The following CFAP100 variants were observed in gnomAD, a reference collection of about 807,000 sequenced individuals.
The protein encoded by CFAP100 is cilia and flagella associated protein 100, also known as cilia- and flagella-associated protein 100.
A neutral mutation model predicts 81.5 loss-of-function variants in CFAP100; 70 were observed. The ratio of observed to expected loss-of-function variants is 0.86; its 90% CI spans 0.71 to 1.05. The LOEUF is 1.05. Ranked by LOEUF, CFAP100 falls within the 50% of genes least tolerant of loss-of-function variation. The pLI, the probability that CFAP100 is intolerant of heterozygous loss-of-function variation, is 0.00. For missense variants in CFAP100, 811 were observed against 776.5 expected, an observed-to-expected ratio of 1.04 and a Z score of -0.53; for synonymous variants, 341 against 314.8, an observed-to-expected ratio of 1.08 and a Z score of -0.88.
chr3:126,410,510 T>A (rs2083137877), intron 3 of CFAP100, among the ~76,000 whole-genome samples: 1 of 152,154 alleles, frequency 6.6e-6, no homozygotes, highest in Non-Finnish European at 1.5e-5. Flanking sequence ...CTTTCTTTTT[T>A]TTTTCTTTTG....
At chr3:126,404,682 GT>G (rs1023196681) in intron 2 of CFAP100, among the ~76,000 whole-genome samples, 40 of 152,018 alleles carry the variant, frequency 2.6e-4, no homozygotes, top group African/African-American at 8.9e-4. Context: ...GGAAAATGAG[GT>G]TTTTTTTCTG....
intron 3 of CFAP100, among the ~76,000 whole-genome samples, chr3:126,412,194 C>T (rs1007567050): frequency 1.3e-5 from 2 of 152,172 alleles, no homozygotes; most frequent in Admixed American, 6.5e-5. Flanking sequence ...TATTTATTTC[C>T]GTGTGTTTCT....
chr3:126,413,913 C>T (rs2083194146), intron 3 of CFAP100, among the ~76,000 whole-genome samples, 172 bp from the exon 4 acceptor site: 1 of 152,152 alleles, frequency 6.6e-6, no homozygotes, highest in Non-Finnish European at 1.5e-5. Context: ...AGGTGCCTTG[C>T]TGGAGGTGGA....
intron 13 of CFAP100, among the ~76,000 whole-genome samples, chr3:126,427,019 T>G (rs975479564): frequency 3.9e-5 from 6 of 152,126 alleles, no homozygotes; most frequent in African/African-American, 1.4e-4. Context: ...GGAAAATAAA[T>G]AGAGAGATAT....
At chr3:126,418,162 G>T in intron 5 of CFAP100, 1 of 354,758 alleles carries the variant, frequency 2.8e-6, no homozygotes, top group Non-Finnish European at 5.2e-6. Flanking sequence ...CCCAGGTGGG[G>T]TGTCCAGAGC....
intron 8 of CFAP100, 53 bp from the exon 9 acceptor site, chr3:126,419,584 T>G (rs2083295557): frequency 6.5e-7 from 1 of 1,550,196 alleles, no homozygotes; most frequent in Non-Finnish European, 8.8e-7. Flanking sequence ...GGGACCTCGC[T>G]GTGGCAGAGG....
intron 3 of CFAP100, among the ~76,000 whole-genome samples, chr3:126,409,736 G>A (rs9823751): frequency 0.051 from 7,694 of 152,246 alleles, 303 homozygotes; most frequent in African/African-American, 0.1. Context: ...GTGTTGGGAC[G>A]TACCTGTTTC....
At chr3:126,422,411 T>G (rs1314807307) in intron 11 of CFAP100, among the ~76,000 whole-genome samples, 1 of 152,190 alleles carries the variant, frequency 6.6e-6, no homozygotes, top group African/African-American at 2.4e-5. Flanking sequence ...CTGATGCCTC[T>G]CTGCTTCTGG....
At chr3:126,412,925 T>G (rs2083180205) in intron 3 of CFAP100, among the ~76,000 whole-genome samples, 1 of 152,234 alleles carries the variant, frequency 6.6e-6, no homozygotes, top group Non-Finnish European at 1.5e-5. Context: ...AAGTCCCCAG[T>G]CTGGCCCATG....
rs979030717 is a variant in CFAP100 at position 126,413,277 on chromosome 3, C to A, written c.131-808C>A. 2.0e-5 allele frequency among the ~76,000 whole-genome samples: 3 copies of A among 152,346 alleles called. No individual in the cohort carries two copies. The Middle Eastern group carries it at 0.01, about 518-fold the overall frequency. ...TTGTCCCCGCAGCTGTGCCAGGCTGCACCTCCTTACCCCATCCCACCTGCC... is the reference window on the plus strand; with the variant it reads ...TTGTCCCCGCAGCTGTGCCAGGCTGAACCTCCTTACCCCATCCCACCTGCC... On this transcript the variant is annotated intron_variant, in intron 3 of 16. Transcript: ENST00000352312.
rs770463887 is a variant in CFAP100 at position 126,420,001 on chromosome 3, C to G, written c.935C>G (p.Ala312Gly). ...GDKGPGIKGK[A>G]SSMWAKEGQG... is the part of the protein sequence containing the mutation. ...GCAGGACCAGGGATCAAGGGCAAGGCGAGCTCCATGTGGGCCAAAGGTGAG... is the reference window on the plus strand; with the variant it reads ...GCAGGACCAGGGATCAAGGGCAAGGGGAGCTCCATGTGGGCCAAAGGTGAG... Residue 312 changes from alanine (A) to glycine (G), a missense_variant, in exon 10 of 17, where the codon GCG (alanine) becomes GGG (glycine). Ala to Gly is a moderately conservative substitution (Grantham distance 60, BLOSUM62 0). Coordinates refer to ENST00000352312, the MANE Select transcript of CFAP100 (RefSeq NM_182628.3). 1.9e-6 allele frequency: 3 copies of G among 1,613,022 alleles called. No individual in the cohort carries two copies. The highest frequency in any genetic ancestry group is 1.3e-5 in the African/African-American group (1 of 74,962).
intron 13 of CFAP100, among the ~76,000 whole-genome samples, chr3:126,426,321 G>C (rs1392915057): frequency 6.6e-6 from 1 of 152,076 alleles, no homozygotes; most frequent in Non-Finnish European, 1.5e-5. Context: ...AACTTAGCTA[G>C]GCATGGTGGC....
intron 11 of CFAP100, among the ~76,000 whole-genome samples, chr3:126,422,660 AC>A (rs1381141263): frequency 6.6e-6 from 1 of 152,118 alleles, no homozygotes; most frequent in Non-Finnish European, 1.5e-5. Context: ...GCCCCTCTCC[AC>A]TGGTCCAGGA....
At chr3:126,428,914 C>T (rs988400269) in intron 13 of CFAP100, among the ~76,000 whole-genome samples, 1 of 151,910 alleles carries the variant, frequency 6.6e-6, no homozygotes, top group African/African-American at 2.4e-5. Flanking sequence ...CGAGACCAGC[C>T]TGGCCAACAT....
chr3:126,430,303 T>C (rs1180250125), intron 13 of CFAP100, among the ~76,000 whole-genome samples: 1 of 152,210 alleles, frequency 6.6e-6, no homozygotes, highest in Non-Finnish European at 1.5e-5. Context: ...TTTGATACAT[T>C]AGTGGCATGA....
chr3:126,435,488 G>A lies in CFAP100; in HGVS notation c.1629-71G>A, dbSNP rs540653064. ...TGAGGGAGGACACGGCCTGGCCTGG[G>A]GACTCCGTGTGGAGATTACACAACA... On this transcript the variant is annotated intron_variant, in intron 15 of 16. Transcript: ENST00000352312. 7.3e-5 allele frequency: 95 copies of A among 1,305,576 alleles called. No individual in the cohort carries two copies. In the Middle Eastern group the frequency reaches 7.4e-4, roughly 10 times the overall value. 80.9% of individuals were successfully genotyped at this position (1,305,576 alleles called of 1,614,324 possible).
chr3:126,414,285 T>G (rs765245000), intron 4 of CFAP100, 106 bp downstream of exon 4: 119 of 827,564 alleles, frequency 1.4e-4, no homozygotes, highest in Non-Finnish European at 2.2e-5. Flanking sequence ...CCTCAGGTCC[T>G]TCTCATTCCA....
intron 3 of CFAP100, among the ~76,000 whole-genome samples, chr3:126,411,008 T>C (rs1256304640): frequency 1.3e-5 from 2 of 152,228 alleles, no homozygotes; most frequent in African/African-American, 4.8e-5. Context: ...TTCCAGCCTT[T>C]AGAGGTGGCT....
At chr3:126,414,610 G>A (rs1395266667) in intron 4 of CFAP100, among the ~76,000 whole-genome samples, 1 of 152,192 alleles carries the variant, frequency 6.6e-6, no homozygotes, top group Non-Finnish European at 1.5e-5. Context: ...CTGGACCCCT[G>A]CAGGTCAGAC....
Sources: gnomAD v4.1 joint callset for allele counts (sites outside exome capture counted in the v4.1 genomes callset) on GRCh38, gnomAD v4.1.1 for gene constraint, MANE v1.5 for transcripts, NCBI Gene and HGNC (gene_info 2026-07-23, HGNC 2026-07-21) for gene names.